Variants in SAMSN1 observed in about 807,000 individuals in gnomAD.
SAMSN1 encodes the protein SAM domain-containing protein SAMSN-1.
SAMSN1 carries 31 observed loss-of-function variants against 42.0 expected under a neutral mutation model. The ratio of observed to expected loss-of-function variants is 0.74; its 90% confidence interval spans 0.55 to 1.00. The LOEUF is 1.00. Ranked by LOEUF, SAMSN1 falls within the 50% of genes least tolerant of loss-of-function variation. The pLI, the probability that SAMSN1 is intolerant of heterozygous loss-of-function variation, is 0.00. For missense variants in SAMSN1, 464 were observed against 439.4 expected, an observed-to-expected ratio of 1.06 and a Z score of -0.50; for synonymous variants, 178 against 151.9, an observed-to-expected ratio of 1.17 and a Z score of -1.26.
chr21:14,493,780 A>G (rs1986796402), intron 7 of SAMSN1, among the ~76,000 whole-genome samples: 1 of 152,128 alleles, frequency 6.6e-6, no homozygotes, highest in Non-Finnish European at 1.5e-5. Context: ...TTCTCCCTAT[A>G]ACCTTATCTA....
At chr21:14,580,801 T>C (rs1314546011) in intron 2 of SAMSN1, among the ~76,000 whole-genome samples, 1 of 152,208 alleles carries the variant, frequency 6.6e-6, no homozygotes, top group Non-Finnish European at 1.5e-5. Context: ...GTAGCTTCTG[T>C]CTAAGAAGAG....
intron 4 of SAMSN1, chr21:14,612,789 T>C (rs888190599): frequency 4.5e-6 from 3 of 671,244 alleles, no homozygotes; most frequent in African/African-American, 3.6e-5. Context: ...TTAATCAGTT[T>C]TGTTGCTTTG....
At position 14,605,820 on chromosome 21, in the gene SAMSN1, ATTTATTT is replaced by A. The variant is rs1251158175; in HGVS notation, c.322+3655_322+3661del. On this transcript the variant is annotated intron_variant, in intron 5 of 15. Transcript: ENST00000647101. Reference sequence around the variant, plus strand: ...ATATGTAAAGAAGATTTATTTATTTATTTATTTATTTATTTATTTATTTATTTATTTA... The same window carrying A: ...ATATGTAAAGAAGATTTATTTATTTAATTTATTTATTTATTTATTTATTTA... Among the ~76,000 whole-genome samples the A allele has an allele frequency of 2.3e-3, 329 of 144,442 alleles. 2 individuals carry two copies. The highest frequency in any genetic ancestry group is 0.01 in the Middle Eastern group (3 of 288). 94.8% of individuals were successfully genotyped at this position (144,442 alleles called of 152,430 possible).
At chr21:14,531,098 G>A (rs774292235) in intron 1 of SAMSN1, among the ~76,000 whole-genome samples, 3 of 151,922 alleles carry the variant, frequency 2.0e-5, no homozygotes, top group Non-Finnish European at 4.4e-5. Context: ...AAATAATACT[G>A]CTGTATAGGA....
At chr21:14,538,320 T>C (rs1568796445) in intron 1 of SAMSN1, among the ~76,000 whole-genome samples, 1 of 152,032 alleles carries the variant, frequency 6.6e-6, no homozygotes, top group East Asian at 1.9e-4. Context: ...GAAGAAGTAA[T>C]AGAGAGTAGG....
chr21:14,555,975 G>A (rs1568806775), intron 2 of SAMSN1, among the ~76,000 whole-genome samples: 2 of 152,130 alleles, frequency 1.3e-5, no homozygotes, highest in Admixed American at 6.6e-5. Flanking sequence ...TTCCCCAGAA[G>A]CAAAGAGGAA....
chr21:14,498,674 G>A, intron 6 of SAMSN1, 82 bp from the exon 7 acceptor site: 6 of 1,163,836 alleles, frequency 5.2e-6, no homozygotes, highest in Non-Finnish European at 7.0e-6. Context: ...AGAAAGTATA[G>A]AGATGCACAT....
At chr21:14,563,269 A>G (rs1405088153) in intron 2 of SAMSN1, among the ~76,000 whole-genome samples, 2 of 152,232 alleles carry the variant, frequency 1.3e-5, no homozygotes, top group Non-Finnish European at 2.9e-5. Flanking sequence ...GGAATACCAT[A>G]ACTGACACTG....
intron 2 of SAMSN1, among the ~76,000 whole-genome samples, chr21:14,577,438 T>A (rs994011739): frequency 6.6e-6 from 1 of 150,814 alleles, no homozygotes; most frequent in Non-Finnish European, 1.5e-5. Flanking sequence ...ATAAAAATAA[T>A]TTGTTTATCC....
intron 7 of SAMSN1, among the ~76,000 whole-genome samples, chr21:14,492,312 G>C (rs1050943156): frequency 6.6e-6 from 1 of 152,216 alleles, no homozygotes; most frequent in African/African-American, 2.4e-5. Flanking sequence ...CAACATACTC[G>C]AATACCGATC....
At chr21:14,509,321 A>G (rs1272124819) in intron 5 of SAMSN1, among the ~76,000 whole-genome samples, 2 of 152,162 alleles carry the variant, frequency 1.3e-5, no homozygotes, top group African/African-American at 2.4e-5. Flanking sequence ...CAAACATCGT[A>G]TGTTCTCACT....
chr21:14,509,959 G>A (rs1265111309), intron 5 of SAMSN1, among the ~76,000 whole-genome samples: 1 of 151,958 alleles, frequency 6.6e-6, no homozygotes. Flanking sequence ...CTAACACGGT[G>A]AAACCCTGTC....
chr21:14,499,756 T>C (rs1015562785), intron 6 of SAMSN1, among the ~76,000 whole-genome samples: 1 of 152,024 alleles, frequency 6.6e-6, no homozygotes, highest in East Asian at 1.9e-4. Context: ...CCAAGAGTAA[T>C]ATAGGAAGGC....
intron 2 of SAMSN1, among the ~76,000 whole-genome samples, chr21:14,517,254 GAT>G (rs1188388914): frequency 6.6e-6 from 1 of 152,206 alleles, no homozygotes; most frequent in Admixed American, 6.5e-5. Flanking sequence ...TAAAATTCGT[GAT>G]GTTAAAGGAC....
chr21:14,524,352 CAG>C (rs1427242687), intron 1 of SAMSN1, among the ~76,000 whole-genome samples: 15 of 150,352 alleles, frequency 1.0e-4, no homozygotes, highest in Non-Finnish European at 1.8e-4. Context: ...CTTATCAAGA[CAG>C]AGTTATTATA....
At chr21:14,572,271 C>A (rs1981324974) in intron 2 of SAMSN1, among the ~76,000 whole-genome samples, 1 of 152,126 alleles carries the variant, frequency 6.6e-6, no homozygotes, top group South Asian at 2.1e-4. Flanking sequence ...CCAATTCTTA[C>A]TAGAATTCCA....
chr21:14,521,005 G>T, intron 2 of SAMSN1, 145 bp downstream of exon 2: 1 of 625,884 alleles, frequency 1.6e-6, no homozygotes, highest in Non-Finnish European at 2.8e-6. Context: ...ATAATGGTTT[G>T]TTCATTTATC....
intron 2 of SAMSN1, among the ~76,000 whole-genome samples, chr21:14,631,884 T>A (rs111243553): frequency 4.6e-5 from 7 of 151,754 alleles, no homozygotes; most frequent in Admixed American, 1.3e-4. Flanking sequence ...TTCATTGATC[T>A]GAAAATCAAT....
chr21:14,621,327 G>T (rs1183332869), intron 2 of SAMSN1, among the ~76,000 whole-genome samples: 1 of 152,188 alleles, frequency 6.6e-6, no homozygotes, highest in African/African-American at 2.4e-5. Context: ...CACTGAGTGT[G>T]AGCCGAAGCA....
Sources: gnomAD v4.1 joint callset for allele counts (sites outside exome capture counted in the v4.1 genomes callset) on GRCh38, gnomAD v4.1.1 for gene constraint, MANE v1.5 for transcripts, NCBI Gene and HGNC (gene_info 2026-07-23, HGNC 2026-07-21) for gene names.